Variants in NLRP11 observed in about 807,000 individuals in gnomAD.
NLRP11 encodes NACHT, LRR and PYD domains-containing protein 11.
NLRP11 carries 53 observed loss-of-function variants against 79.3 expected under a neutral mutation model. The ratio of observed to expected loss-of-function variants is 0.67; its 90% CI spans 0.54 to 0.84. NLRP11 has a LOEUF of 0.84. Among genes scored for constraint, NLRP11 ranks in the 40% least tolerant of loss-of-function variants. The pLI, the probability that NLRP11 is intolerant of heterozygous loss-of-function variation, is 0.00. For missense variants in NLRP11, 1,264 were observed against 1,255.0 expected, an observed-to-expected ratio of 1.01 and a Z score of -0.11; for synonymous variants, 518 against 462.6, an observed-to-expected ratio of 1.12 and a Z score of -1.54.
chr19:55,832,507 G>T (rs1190768038), upstream of NLRP11, among the ~76,000 whole-genome samples: 1 of 152,194 alleles, frequency 6.6e-6, no homozygotes, highest in Admixed American at 6.5e-5. Flanking sequence ...GGCCCGTCTT[G>T]GCTGCCTATT....
At chr19:55,823,084 T>C (rs1600202996) in intron 1 of NLRP11, among the ~76,000 whole-genome samples, 1 of 147,490 alleles carries the variant, frequency 6.8e-6, no homozygotes, top group South Asian at 2.1e-4. Flanking sequence ...GCAGACTGCC[T>C]CCTCAAGTGG....
Position 55,809,630 on chromosome 19 carries a change from T to C in NLRP11, c.980A>G (p.His327Arg), listed in dbSNP as rs1025919830. Residue 327 changes from histidine to arginine, a missense_variant, in exon 3 of 10, where the codon CAT (histidine) becomes CGT (arginine). Physicochemically the swap from His to Arg is conservative, Grantham distance 29 (BLOSUM62 0). Coordinates refer to ENST00000589093, the Ensembl canonical transcript of NLRP11. The surrounding 1 kb of genome is among the most constrained non-coding windows in gnomAD (Gnocchi z 4.5). ...CAGACCCACGAGTATTTCATCCTCA[T>C]GTACAAGCTGGAGGGCTGCCGACGC... The C allele has an allele frequency of 6.2e-7, 1 of 1,614,218 alleles. No individual in the cohort carries two copies. The highest frequency in any genetic ancestry group is 8.5e-7 in the Non-Finnish European group (1 of 1,180,032).
chr19:55,821,757 A>G (rs1485973635), intron 1 of NLRP11, among the ~76,000 whole-genome samples: 1 of 149,962 alleles, frequency 6.7e-6, no homozygotes, highest in East Asian at 2.0e-4. Flanking sequence ...AGAACCCATT[A>G]ACATTGTTAG....
chr19:55,807,551 AAG>A (rs756257130), intron 4 of NLRP11, among the ~76,000 whole-genome samples: 4 of 152,088 alleles, frequency 2.6e-5, no homozygotes, highest in Non-Finnish European at 5.9e-5. Context: ...TGATACAAGA[AAG>A]AGTTTTGAAA....
At chr19:55,815,115 AC>A (rs1980971849) in intron 2 of NLRP11, among the ~76,000 whole-genome samples, 1 of 139,134 alleles carries the variant, frequency 7.2e-6, no homozygotes, top group African/African-American at 3.2e-5. Context: ...AATTCAGGTT[AC>A]AAAAAAAAAT....
intron 2 of NLRP11, among the ~76,000 whole-genome samples, chr19:55,814,029 A>G (rs200627227): frequency 1.3e-5 from 2 of 152,154 alleles, no homozygotes; most frequent in Non-Finnish European, 2.9e-5. Context: ...ACTGGGCCCC[A>G]CAGCCGATGG....
At chr19:55,819,716 G>T (rs1025385752) in intron 1 of NLRP11, among the ~76,000 whole-genome samples, 24 of 152,110 alleles carry the variant, frequency 1.6e-4, no homozygotes, top group Non-Finnish European at 8.8e-5. Context: ...TAGACTGCTC[G>T]ATCTCTAACC....
At chr19:55,793,616 A>G (rs1173234046) in intron 6 of NLRP11, among the ~76,000 whole-genome samples, 2 of 149,628 alleles carry the variant, frequency 1.3e-5, no homozygotes, top group Admixed American at 1.3e-4. Flanking sequence ...ATTGGTTGGA[A>G]ATACTGAATC....
exon 3 of NLRP11, chr19:55,808,959 C>T: frequency 1.9e-6 from 3 of 1,614,122 alleles, no homozygotes; most frequent in Non-Finnish European, 2.5e-6. Context: ...TCCCGATTCT[C>T]ATAGAGACAG....
chr19:55,814,804 G>T (rs1372786273), intron 2 of NLRP11, among the ~76,000 whole-genome samples: 1 of 152,146 alleles, frequency 6.6e-6, no homozygotes, highest in Non-Finnish European at 1.5e-5. Flanking sequence ...GGACACACGG[G>T]ATTCATCAAG....
At chr19:55,818,017 G>C (rs148773729) in exon 2 of NLRP11, 2 of 1,613,874 alleles carry the variant, frequency 1.2e-6, no homozygotes, top group African/African-American at 2.7e-5. Context: ...CAACACGTTA[G>C]CCAGTTCTTC....
At chr19:55,800,534 T>C (rs1288521281) in intron 5 of NLRP11, among the ~76,000 whole-genome samples, 1 of 152,042 alleles carries the variant, frequency 6.6e-6, no homozygotes, top group African/African-American at 2.4e-5. Context: ...TCTCGAACTC[T>C]TGAATTCCTG....
At chr19:55,820,569 A>G (rs2112826) in intron 1 of NLRP11, among the ~76,000 whole-genome samples, 35,894 of 152,072 alleles carry the variant, frequency 0.24, 5,374 homozygotes, top group African/African-American at 0.42. Flanking sequence ...TGGACTTCGG[A>G]GAGTAATCAT....
intron 1 of NLRP11, among the ~76,000 whole-genome samples, chr19:55,821,769 G>C (rs1006062105): frequency 1.3e-5 from 2 of 151,070 alleles, no homozygotes; most frequent in African/African-American, 2.4e-5. Context: ...CATTGTTAGT[G>C]ATGGGAGAAC....
chr19:55,799,167 T>C (rs1979233452), intron 5 of NLRP11, among the ~76,000 whole-genome samples: 1 of 151,846 alleles, frequency 6.6e-6, no homozygotes, highest in African/African-American at 2.4e-5. Context: ...CTTGGGAGGG[T>C]GAGGCATGAA....
chr19:55,796,162 A>G (rs748299049), exon 6 of NLRP11: 1 of 1,614,016 alleles, frequency 6.2e-7, no homozygotes, highest in Non-Finnish European at 8.5e-7. Context: ...GGATTGCTGG[A>G]TAAGGTCAGT....
At chr19:55,807,247 G>T (rs962322429) in intron 4 of NLRP11, among the ~76,000 whole-genome samples, 1 of 152,074 alleles carries the variant, frequency 6.6e-6, no homozygotes, top group Non-Finnish European at 1.5e-5. Context: ...ATGTTGATGT[G>T]TACTGAATAT....
intron 5 of NLRP11, among the ~76,000 whole-genome samples, chr19:55,797,619 T>G (rs185617183): frequency 3.3e-5 from 5 of 152,316 alleles, no homozygotes; most frequent in Admixed American, 1.3e-4. Flanking sequence ...AAGAAAAGGA[T>G]GTATTCTACT....
chr19:55,810,599 C>T (rs191019867), intron 2 of NLRP11, among the ~76,000 whole-genome samples: 252 of 152,246 alleles, frequency 1.7e-3, no homozygotes, highest in African/African-American at 5.2e-3. Context: ...CAGGTTCAAG[C>T]GATTCTCCTG....
Sources: gnomAD v4.1 joint callset for allele counts (sites outside exome capture counted in the v4.1 genomes callset) on GRCh38, gnomAD v4.1.1 for gene constraint, Gnocchi (gnomAD v3.1) non-coding constraint, MANE v1.5 for transcripts, NCBI Gene and HGNC (gene_info 2026-07-23, HGNC 2026-07-21) for gene names.